PLEKHA7: variants seen among roughly 807,000 people sequenced by gnomAD.
The protein encoded by PLEKHA7 is pleckstrin homology domain containing A7.
Under a neutral mutation model 170.0 loss-of-function variants are expected in PLEKHA7, and 104 were observed. That is an observed-to-expected ratio of 0.61 (90% CI 0.52 to 0.72). PLEKHA7 has a LOEUF of 0.72. Among genes scored for constraint, PLEKHA7 ranks in the 30% least tolerant of loss-of-function variants. PLEKHA7 has a pLI of 0.00. For synonymous variants in PLEKHA7, 648 were observed against 660.8 expected (o/e 0.98, Z 0.30); for missense variants, 1,615 against 1,671.7 (o/e 0.97, Z 0.59).
At chr11:16,955,296 C>T (rs965037023) in intron 3 of PLEKHA7, among the ~76,000 whole-genome samples, 1 of 152,170 alleles carries the variant, frequency 6.6e-6, no homozygotes, top group African/African-American at 2.4e-5. Flanking sequence ...CCTTCAAGGC[C>T]CAGTTCAAAT....
At chr11:16,909,802 C>A (rs530562607) in intron 3 of PLEKHA7, among the ~76,000 whole-genome samples, 1 of 152,318 alleles carries the variant, frequency 6.6e-6, no homozygotes, top group South Asian at 2.1e-4. Context: ...TATGAATTAA[C>A]CATGCTCCTC....
chr11:16,964,762 C>T (rs1199689824), intron 3 of PLEKHA7, among the ~76,000 whole-genome samples: 1 of 152,218 alleles, frequency 6.6e-6, no homozygotes, highest in Non-Finnish European at 1.5e-5. Flanking sequence ...AGTAATAGAG[C>T]ATTCCTTAGA....
At chr11:16,805,805 A>C (rs1004403061) in intron 13 of PLEKHA7, among the ~76,000 whole-genome samples, 1 of 143,986 alleles carries the variant, frequency 6.9e-6, no homozygotes, top group African/African-American at 2.9e-5. Context: ...AAAAAAAAAA[A>C]AACAAAAACA....
intron 4 of PLEKHA7, among the ~76,000 whole-genome samples, chr11:16,867,679 C>G (rs1854501436): frequency 6.6e-6 from 1 of 152,126 alleles, no homozygotes; most frequent in Admixed American, 6.5e-5. Context: ...TAGGAGGAAG[C>G]AATTTAGGTA....
intron 3 of PLEKHA7, among the ~76,000 whole-genome samples, chr11:17,008,127 G>C (rs1041106187): frequency 5.3e-5 from 8 of 152,100 alleles, no homozygotes; most frequent in Non-Finnish European, 8.8e-5. Flanking sequence ...GAGTCTAGCT[G>C]TCCTCACTTG....
intron 13 of PLEKHA7, among the ~76,000 whole-genome samples, chr11:16,809,963 T>G (rs910377068): frequency 4.6e-5 from 3 of 65,202 alleles, no homozygotes; most frequent in African/African-American, 1.6e-4. Flanking sequence ...TGTGTCCCAT[T>G]AGGGAACTCC....
At chr11:16,976,010 C>T (rs1863038727) in intron 3 of PLEKHA7, among the ~76,000 whole-genome samples, 1 of 152,240 alleles carries the variant, frequency 6.6e-6, no homozygotes, top group Non-Finnish European at 1.5e-5. Context: ...AGGGGCTGTA[C>T]TCATGAATGG....
At chr11:16,805,455 C>T (rs1848894642) in intron 13 of PLEKHA7, among the ~76,000 whole-genome samples, 1 of 152,032 alleles carries the variant, frequency 6.6e-6, no homozygotes, top group African/African-American at 2.4e-5. Context: ...ATTAGTACTA[C>T]CTCTTTTTCT....
At chr11:16,902,750 A>G (rs896323151) in intron 3 of PLEKHA7, among the ~76,000 whole-genome samples, 3 of 152,208 alleles carry the variant, frequency 2.0e-5, no homozygotes, top group Admixed American at 2.0e-4. Context: ...TTTAACTTTT[A>G]TTAGCTTCAG....
intron 3 of PLEKHA7, among the ~76,000 whole-genome samples, chr11:16,918,067 A>G (rs1325377247): frequency 6.6e-6 from 1 of 152,202 alleles, no homozygotes; most frequent in Non-Finnish European, 1.5e-5. Context: ...GTAAATGCCT[A>G]CTAGTTGATT....
At chr11:16,906,332 C>T (rs1016888472) in intron 3 of PLEKHA7, among the ~76,000 whole-genome samples, 6 of 134,716 alleles carry the variant, frequency 4.5e-5, no homozygotes, top group African/African-American at 1.8e-4. Context: ...CTCTCACTCT[C>T]CCTCTCCCTC....
At chr11:16,803,495 G>A (rs1158825586) in intron 13 of PLEKHA7, 200 bp from the exon 14 acceptor site, 3 of 569,830 alleles carry the variant, frequency 5.3e-6, no homozygotes, top group Admixed American at 3.1e-5. Context: ...AAAACCTTTT[G>A]ATGATTCTAG....
intron 3 of PLEKHA7, among the ~76,000 whole-genome samples, chr11:16,890,715 A>G (rs185467974): frequency 3.7e-3 from 561 of 152,292 alleles, no homozygotes; most frequent in Non-Finnish European, 6.5e-3. Context: ...TTGAGGTAAC[A>G]GTTATTACTG....
intron 13 of PLEKHA7, among the ~76,000 whole-genome samples, chr11:16,811,494 TG>T (rs995684262): frequency 6.6e-6 from 1 of 152,104 alleles, no homozygotes; most frequent in Non-Finnish European, 1.5e-5. Context: ...AGGTGGAGGC[TG>T]GGGGCTGCTG....
chr11:17,013,552 A>C (rs1411717066), intron 3 of PLEKHA7, among the ~76,000 whole-genome samples: 2 of 152,024 alleles, frequency 1.3e-5, no homozygotes, highest in East Asian at 3.9e-4. Context: ...AGATTCCCCT[A>C]GTCTCTCCCT....
intron 3 of PLEKHA7, among the ~76,000 whole-genome samples, chr11:16,992,938 C>T (rs1239923499): frequency 1.3e-5 from 2 of 152,100 alleles, no homozygotes; most frequent in Admixed American, 6.6e-5. Flanking sequence ...AGAAAAGTGC[C>T]TCACTGGTTG....
chr11:16,889,420 A>AAAAAAAAAATATATATAT (rs61086849), intron 3 of PLEKHA7, among the ~76,000 whole-genome samples: 10 of 74,676 alleles, frequency 1.3e-4, no homozygotes, highest in Non-Finnish European at 2.1e-4. Flanking sequence ...AAAAAAAAAA[A>AAAAAAAAAATATATATAT]ATATATATAT....
chr11:16,783,886 G>A, intron 24 of PLEKHA7, 53 bp from the exon 25 acceptor site: 1 of 1,360,248 alleles, frequency 7.4e-7, no homozygotes, highest in Non-Finnish European at 9.5e-7. Flanking sequence ...TCTGGGTTTA[G>A]GACTCGCTTT....
chr11:16,884,910 G>A (rs1011773671), intron 3 of PLEKHA7, among the ~76,000 whole-genome samples: 7 of 152,126 alleles, frequency 4.6e-5, no homozygotes, highest in African/African-American at 1.7e-4. Context: ...ACAAATTCAA[G>A]AGCATAAACA....
Sources: allele counts gnomAD v4.1 joint callset (sites outside exome capture counted in the v4.1 genomes callset), GRCh38; gene constraint gnomAD v4.1.1; transcripts MANE v1.5; gene names NCBI Gene and HGNC (gene_info 2026-07-23, HGNC 2026-07-21).